Variants in BMERB1 observed in about 807,000 individuals in gnomAD.
BMERB1 encodes bMERB domain-containing protein 1.
BMERB1 carries 12 observed loss-of-function variants against 23.6 expected under a neutral mutation model. The ratio of observed to expected loss-of-function variants is 0.51; its 90% CI spans 0.33 to 0.82. BMERB1 has a LOEUF of 0.82. Among genes scored for constraint, BMERB1 ranks in the 40% least tolerant of loss-of-function variants. The probability of loss-of-function intolerance (pLI) is 0.03; values close to 1 mark genes in which losing one functional copy is unlikely to be tolerated. For missense variants in BMERB1, 247 were observed against 255.4 expected, an observed-to-expected ratio of 0.97 and a Z score of 0.22; for synonymous variants, 122 against 96.6, an observed-to-expected ratio of 1.26 and a Z score of -1.54.
intron 2 of BMERB1, among the ~76,000 whole-genome samples, chr16:15,539,821 G>T (rs556468651): frequency 6.7e-6 from 1 of 149,882 alleles, no homozygotes; most frequent in African/African-American, 2.5e-5. Context: ...CCAGCCTGGT[G>T]ACAGAGCAAG....
chr16:15,434,637 G>A lies in BMERB1; in HGVS notation c.-17G>A, dbSNP rs2050870745. The A allele has an allele frequency of 3.1e-6, 5 of 1,610,452 alleles. No homozygotes were observed. The African/African-American group carries it at 6.7e-5, about 22-fold the overall frequency. On this transcript the variant is annotated 5_prime_UTR_variant, in exon 1 of 6. Coordinates refer to ENST00000300006, the MANE Select transcript of BMERB1 (RefSeq NM_033201.3). Reference sequence around the variant, plus strand: ...GGAGTAAAGGGAGACCCGTCGACCTGGCCACGGGGATCAGCGATGGAATTA... The same window carrying A: ...GGAGTAAAGGGAGACCCGTCGACCTAGCCACGGGGATCAGCGATGGAATTA...
intron 1 of BMERB1, among the ~76,000 whole-genome samples, chr16:15,480,877 G>A (rs945990144): frequency 1.3e-5 from 2 of 152,000 alleles, no homozygotes; most frequent in East Asian, 3.9e-4. Flanking sequence ...CTCCCAAAGT[G>A]CTGGGATTAC....
chr16:15,480,458 C>G (rs1287726583), intron 1 of BMERB1, among the ~76,000 whole-genome samples: 1 of 151,864 alleles, frequency 6.6e-6, no homozygotes, highest in Admixed American at 6.6e-5. Flanking sequence ...ACCAGTTTCT[C>G]CAGTAGCTGA....
chr16:15,543,462 C>T (rs1464082694), intron 2 of BMERB1, among the ~76,000 whole-genome samples: 3 of 152,012 alleles, frequency 2.0e-5, no homozygotes, highest in Non-Finnish European at 4.4e-5. Flanking sequence ...GCCGCCTGTC[C>T]GTATCAGCAG....
At chr16:15,537,811 C>T (rs1306266887) in intron 2 of BMERB1, among the ~76,000 whole-genome samples, 2 of 151,960 alleles carry the variant, frequency 1.3e-5, no homozygotes, top group Non-Finnish European at 2.9e-5. Context: ...GCACATGCCA[C>T]CATGCCTGGC....
intron 1 of BMERB1, among the ~76,000 whole-genome samples, chr16:15,488,902 C>CAAAAAAA (rs769821665): frequency 3.5e-5 from 2 of 57,760 alleles, no homozygotes; most frequent in Non-Finnish European, 6.9e-5. Context: ...ACTGCATATG[C>CAAAAAAA]AAAAAAAAAA....
chr16:15,460,803 T>C (rs1418457416), intron 1 of BMERB1, among the ~76,000 whole-genome samples: 1 of 152,130 alleles, frequency 6.6e-6, no homozygotes, highest in Non-Finnish European at 1.5e-5. Flanking sequence ...CAGATCATTA[T>C]GTAATATGCT....
At chr16:15,452,855 C>G (rs796434111) in intron 1 of BMERB1, among the ~76,000 whole-genome samples, 1 of 152,092 alleles carries the variant, frequency 6.6e-6, no homozygotes, top group African/African-American at 2.4e-5. Context: ...TGCCAGTTCC[C>G]TAAGACAGCA....
At position 15,471,249 on chromosome 16, in the gene BMERB1, C is replaced by T. The variant is rs979040148; in HGVS notation, c.106+36490C>T. 2.0e-5 allele frequency among the ~76,000 whole-genome samples: 3 copies of T among 151,726 alleles called. No individual in the cohort carries two copies. In the East Asian group the frequency reaches 5.8e-4, roughly 29 times the overall value. On this transcript the variant is annotated intron_variant, in intron 1 of 5. Transcript: ENST00000300006. ...TTGATAGAGATTCATTTTTTTTGGC[C>T]TATGGATGTCCAATTTGTCCAGCGT... is the stretch of plus-strand genomic sequence containing the variant.
At chr16:15,457,586 C>G (rs114061254) in intron 1 of BMERB1, among the ~76,000 whole-genome samples, 1 of 152,090 alleles carries the variant, frequency 6.6e-6, no homozygotes, top group South Asian at 2.1e-4. Context: ...TCTCCCTCCA[C>G]GTGCCCAGCC....
chr16:15,568,394 T>G (rs2030636409), intron 3 of BMERB1, among the ~76,000 whole-genome samples: 1 of 152,106 alleles, frequency 6.6e-6, no homozygotes, highest in South Asian at 2.1e-4. Context: ...TCCCAGCACT[T>G]TAGGAGGCTG....
intron 2 of BMERB1, among the ~76,000 whole-genome samples, chr16:15,554,533 A>T (rs913268834): frequency 6.6e-6 from 1 of 151,966 alleles, no homozygotes; most frequent in African/African-American, 2.4e-5. Flanking sequence ...GTGTGGTGGT[A>T]TATGCCTGTG....
intron 5 of BMERB1, among the ~76,000 whole-genome samples, 181 bp from the exon 6 acceptor site, chr16:15,586,536 G>A (rs2031147516): frequency 6.6e-6 from 1 of 151,104 alleles, no homozygotes; most frequent in Non-Finnish European, 1.5e-5. Flanking sequence ...ATAAAATGAG[G>A]ACCAGCTGAG....
intron 2 of BMERB1, among the ~76,000 whole-genome samples, chr16:15,559,135 C>T (rs2030349250): frequency 1.3e-5 from 2 of 152,134 alleles, no homozygotes; most frequent in South Asian, 2.1e-4. Context: ...CATATGTCAC[C>T]TATATGGCAC....
intron 2 of BMERB1, among the ~76,000 whole-genome samples, chr16:15,529,835 T>C (rs2051949638): frequency 6.6e-6 from 1 of 152,198 alleles, no homozygotes; most frequent in South Asian, 2.1e-4. Flanking sequence ...AGAGTGATAA[T>C]GCAGCTAAGT....
intron 1 of BMERB1, among the ~76,000 whole-genome samples, chr16:15,491,141 C>T (rs1227563676): frequency 6.6e-6 from 1 of 152,226 alleles, no homozygotes; most frequent in Non-Finnish European, 1.5e-5. Flanking sequence ...TGAGCCACCA[C>T]GCCCAGTCCA....
At chr16:15,524,175 G>A (rs981569880) in intron 2 of BMERB1, among the ~76,000 whole-genome samples, 1 of 152,136 alleles carries the variant, frequency 6.6e-6, no homozygotes, top group African/African-American at 2.4e-5. Flanking sequence ...TTGCACACAG[G>A]GTTTTAAATA....
intron 2 of BMERB1, among the ~76,000 whole-genome samples, chr16:15,534,311 A>G (rs984417697): frequency 8.5e-5 from 12 of 141,602 alleles, no homozygotes; most frequent in South Asian, 2.2e-4. Context: ...AAAAAAAAAA[A>G]AAAAGAAAAG....
chr16:15,470,715 G>A (rs1410090473), intron 1 of BMERB1, among the ~76,000 whole-genome samples: 2 of 151,332 alleles, frequency 1.3e-5, no homozygotes, highest in South Asian at 2.1e-4. Flanking sequence ...TAGTAGAGAC[G>A]GGGTTTCACC....
Sources: gnomAD v4.1 joint callset for allele counts (sites outside exome capture counted in the v4.1 genomes callset) on GRCh38, gnomAD v4.1.1 for gene constraint, MANE v1.5 for transcripts, NCBI Gene and HGNC (gene_info 2026-07-23, HGNC 2026-07-21) for gene names.